SPATA17: variants seen among roughly 807,000 people sequenced by gnomAD.
SPATA17 encodes spermatogenesis associated 17, also known as spermatogenesis-associated protein 17.
SPATA17 carries 53 observed loss-of-function variants against 62.2 expected under a neutral mutation model. The observed-to-expected ratio is 0.85, with a 90% confidence interval of 0.68 to 1.07. The LOEUF is 1.07. SPATA17 is among the 50% of genes least tolerant of loss of function. The pLI, the probability that SPATA17 is intolerant of heterozygous loss-of-function variation, is 0.00. For synonymous variants in SPATA17, 146 were observed against 146.8 expected, an observed-to-expected ratio of 0.99 and a Z score of 0.04; for missense variants, 466 against 425.5, an observed-to-expected ratio of 1.10 and a Z score of -0.84.
intron 9 of SPATA17, among the ~76,000 whole-genome samples, chr1:217,824,897 A>C (rs993284757): frequency 1.3e-5 from 2 of 151,042 alleles, no homozygotes; most frequent in Admixed American, 1.3e-4. Flanking sequence ...ATATCCTACA[A>C]TACAATAATA....
At chr1:217,839,192 G>A (rs1345062730) in intron 9 of SPATA17, among the ~76,000 whole-genome samples, 1 of 152,004 alleles carries the variant, frequency 6.6e-6, no homozygotes. Flanking sequence ...GACAATCACA[G>A]CACAGCCTCC....
intron 3 of SPATA17, among the ~76,000 whole-genome samples, chr1:217,652,828 C>T (rs950714427): frequency 6.6e-6 from 1 of 152,174 alleles, no homozygotes. Context: ...AGTTTGATGA[C>T]TGTGGGCAAG....
At chr1:217,703,944 G>A (rs1671664291) in intron 5 of SPATA17, among the ~76,000 whole-genome samples, 1 of 151,952 alleles carries the variant, frequency 6.6e-6, no homozygotes, top group African/African-American at 2.4e-5. Context: ...TATTTTCAAT[G>A]AATATATGTT....
At chr1:217,720,801 A>T (rs971629363) in intron 5 of SPATA17, among the ~76,000 whole-genome samples, 2 of 152,214 alleles carry the variant, frequency 1.3e-5, no homozygotes, top group Non-Finnish European at 2.9e-5. Context: ...AAGAGAACCC[A>T]AGAAAGGAAA....
At chr1:217,643,609 G>T (rs1670115063) in intron 1 of SPATA17, among the ~76,000 whole-genome samples, 1 of 151,948 alleles carries the variant, frequency 6.6e-6, no homozygotes. Flanking sequence ...GTAGCACAGT[G>T]CCCTACTTTT....
chr1:217,660,250 G>A (rs1670537194), intron 3 of SPATA17, among the ~76,000 whole-genome samples: 1 of 152,084 alleles, frequency 6.6e-6, no homozygotes, highest in African/African-American at 2.4e-5. Flanking sequence ...CATTAATTTT[G>A]TCTTCTTAAA....
chr1:217,739,180 CAG>C (rs1672575063), intron 5 of SPATA17, among the ~76,000 whole-genome samples: 1 of 151,120 alleles, frequency 6.6e-6, no homozygotes, highest in African/African-American at 2.4e-5. Context: ...GATATGAAAA[CAG>C]GGCAGAGAGT....
At position 217,838,492 on chromosome 1, in the gene SPATA17, AT is replaced by A. The variant is rs561864796; in HGVS notation, c.1006-24275del. 7.0e-3 allele frequency among the ~76,000 whole-genome samples: 1,063 copies of A among 152,120 alleles called. 14 individuals carry two copies. The highest frequency in any genetic ancestry group is 0.024 in the African/African-American group (1,007 of 41,516). On this transcript the variant is annotated intron_variant, in intron 9 of 10. Coordinates refer to ENST00000366933, the MANE Select transcript of SPATA17 (RefSeq NM_138796.4). ...TGATACATAAAGATATATAAAGTGA[AT>A]TTTTTTCTTTTAAAAATATTTTAAT...
chr1:217,710,427 A>T (rs1671832881), intron 5 of SPATA17, among the ~76,000 whole-genome samples: 1 of 152,136 alleles, frequency 6.6e-6, no homozygotes, highest in East Asian at 1.9e-4. Context: ...GAAACTTAAG[A>T]TCAGTGTAAT....
At chr1:217,703,173 C>CATTTTTT (rs1558572175) in intron 5 of SPATA17, among the ~76,000 whole-genome samples, 1 of 101,246 alleles carries the variant, frequency 9.9e-6, no homozygotes, top group African/African-American at 4.4e-5. Context: ...TTGCGCTCGG[C>CATTTTTT]CTTTTTTTTT....
At chr1:217,699,735 C>T (rs1178652037) in intron 5 of SPATA17, among the ~76,000 whole-genome samples, 2 of 151,880 alleles carry the variant, frequency 1.3e-5, no homozygotes, top group East Asian at 3.9e-4. Context: ...TGAATATTTC[C>T]TTCTATGAAT....
chr1:217,722,541 C>A (rs1672158009), intron 5 of SPATA17, among the ~76,000 whole-genome samples: 1 of 152,032 alleles, frequency 6.6e-6, no homozygotes, highest in Non-Finnish European at 1.5e-5. Context: ...ACCAGACAAG[C>A]ACTTTTAGAG....
intron 9 of SPATA17, among the ~76,000 whole-genome samples, chr1:217,849,493 A>T (rs1675598212): frequency 6.6e-6 from 1 of 152,082 alleles, no homozygotes; most frequent in African/African-American, 2.4e-5. Flanking sequence ...AACTTTGTTG[A>T]CCTCTTTCTC....
intron 9 of SPATA17, among the ~76,000 whole-genome samples, chr1:217,825,952 G>A (rs1674990623): frequency 6.6e-6 from 1 of 151,966 alleles, no homozygotes; most frequent in Non-Finnish European, 1.5e-5. Context: ...ATATTTTATT[G>A]TTATTGTGGG....
In SPATA17 at chr1:217,779,900, A is replaced by G. The variant is rs192237623; in HGVS notation, c.724-2274A>G. 1.3e-3 allele frequency among the ~76,000 whole-genome samples: 204 copies of G among 152,244 alleles called. 1 individual carries two copies. Among genetic ancestry groups the G allele is most frequent in the Non-Finnish European group, 2.3e-3 (154 of 68,000 alleles). ...ATAAATAACATGAATTATGGAAAAT[A>G]CAGCAGAACATAAATATATTTGACT... On this transcript the variant is annotated intron_variant, in intron 7 of 10. Transcript: ENST00000366933.
chr1:217,742,305 G>T (rs1477517782), intron 6 of SPATA17, among the ~76,000 whole-genome samples: 1 of 152,204 alleles, frequency 6.6e-6, no homozygotes, highest in Non-Finnish European at 1.5e-5. Flanking sequence ...CCGCTGCGAT[G>T]CTGGCAGAAA....
chr1:217,790,674 C>G (rs1164350696), intron 8 of SPATA17, among the ~76,000 whole-genome samples: 2 of 151,924 alleles, frequency 1.3e-5, no homozygotes, highest in East Asian at 3.9e-4. Flanking sequence ...GTGATCCGCC[C>G]GCCTCGGCCT....
intron 9 of SPATA17, among the ~76,000 whole-genome samples, chr1:217,823,740 T>C (rs1439931411): frequency 6.6e-6 from 1 of 152,022 alleles, no homozygotes; most frequent in Admixed American, 6.6e-5. Flanking sequence ...TGTATTGCAG[T>C]GTATCTCTCT....
intron 5 of SPATA17, among the ~76,000 whole-genome samples, chr1:217,685,244 A>G (rs1054587279): frequency 4.6e-5 from 7 of 152,164 alleles, no homozygotes; most frequent in African/African-American, 7.2e-5. Flanking sequence ...ATGTCCTTCA[A>G]TTCTGCACTT....
Sources: gnomAD v4.1 joint callset for allele counts (sites outside exome capture counted in the v4.1 genomes callset) on GRCh38, gnomAD v4.1.1 for gene constraint, MANE v1.5 for transcripts, NCBI Gene and HGNC (gene_info 2026-07-23, HGNC 2026-07-21) for gene names.